The following TMEM130 variants were observed in gnomAD, a reference collection of about 807,000 sequenced individuals.
The protein encoded by TMEM130 is transmembrane protein 130.
A neutral mutation model predicts 42.9 loss-of-function variants in TMEM130; 37 were observed. The ratio of observed to expected loss-of-function variants is 0.86; its 90% CI spans 0.66 to 1.13. The LOEUF (loss-of-function observed/expected upper bound fraction) is 1.13, where lower values mean the gene tolerates loss of function less well. Ranked by LOEUF, TMEM130 falls within the 50% of genes most tolerant of loss-of-function variation. TMEM130 has a pLI of 0.00. For synonymous variants in TMEM130, 259 were observed against 237.7 expected (o/e 1.09, Z -0.82); for missense variants, 545 against 562.6 (o/e 0.97, Z 0.32).
intron 7 of TMEM130, 72 bp from the exon 8 acceptor site, chr7:98,848,280 C>T: frequency 6.3e-7 from 1 of 1,587,608 alleles, no homozygotes; most frequent in Non-Finnish European, 8.6e-7. Flanking sequence ...CAATCACCCA[C>T]CCACCAGGAG....
chr7:98,869,319 G>A lies in TMEM130; in HGVS notation c.85+458C>T. On this transcript the variant is annotated intron_variant, in intron 1 of 7. Transcript: ENST00000339375. The surrounding 1 kb of genome is among the most constrained non-coding windows in gnomAD (Gnocchi z 4.7). The stretch of plus-strand genomic sequence containing the variant: ...TCCCCAAAGCCAGCACCAACACGGT[G>A]GGAAACCCCTCTAGATGAGGCGACA... 1.6e-6 allele frequency: 2 copies of A among 1,277,966 alleles called. No individual in the cohort carries two copies. The highest frequency in any genetic ancestry group is 4.8e-5 in the Admixed American group (2 of 41,402). 79.2% of individuals were successfully genotyped at this position (1,277,966 alleles called of 1,614,324 possible). A position where few individuals can be genotyped will look rare whatever the true frequency, so the allele number is the denominator to read the frequency against.
At position 98,869,143 on chromosome 7, in the gene TMEM130, G is replaced by T. The variant is rs1783784147; in HGVS notation, c.85+634C>A. 1.6e-6 allele frequency: 2 copies of T among 1,249,030 alleles called. No homozygotes were observed. The highest frequency in any genetic ancestry group is 2.1e-6 in the Non-Finnish European group (2 of 969,296). 77.4% of individuals were successfully genotyped at this position (1,249,030 alleles called of 1,614,324 possible). On this transcript the variant is annotated intron_variant, in intron 1 of 7. Transcript: ENST00000339375. This position sits in a 1 kb window ranked among gnomAD's most constrained non-coding sequence, Gnocchi z 4.7. The stretch of plus-strand genomic sequence containing the variant: ...AGGTGGGTGCTGGCTTTCTGGCGGT[G>T]GGGAAGTGGGGGCAGTAGACACACA...
At position 98,854,746 on chromosome 7, in the gene TMEM130, C is replaced by T. The variant is rs2116084622; in HGVS notation, c.803+494G>A. On this transcript the variant is annotated intron_variant, in intron 5 of 7. Transcript: ENST00000339375. ...GGTGAAACTCTGTCTCTAAAAAATG[C>T]AAATAAAGGCCAGACGCAGTGGCTC... Among the ~76,000 whole-genome samples the T allele has an allele frequency of 2.6e-5, 4 of 151,900 alleles. No homozygotes were observed. The South Asian group carries it at 8.3e-4, about 32-fold the overall frequency.
chr7:98,852,341 G>A (rs1554398415), intron 5 of TMEM130, among the ~76,000 whole-genome samples: 1 of 152,044 alleles, frequency 6.6e-6, no homozygotes, highest in Non-Finnish European at 1.5e-5. Context: ...TGTTGGCTAG[G>A]CTGGTCTCAA....
At chr7:98,856,260 A>G (rs961926366) in intron 3 of TMEM130, 77 bp from the exon 4 acceptor site, 131 of 1,452,268 alleles carry the variant, frequency 9.0e-5, no homozygotes, top group Non-Finnish European at 1.2e-4. Flanking sequence ...GAAGTGATTC[A>G]TGGGACTTGC....
chr7:98,855,231 C>T lies in TMEM130; in HGVS notation c.803+9G>A, dbSNP rs1794600004. The T allele has an allele frequency of 6.2e-7, 1 of 1,611,810 alleles. No homozygotes were observed. On this transcript the variant is annotated intron_variant, in intron 5 of 7. Coordinates refer to ENST00000339375, the MANE Select transcript of TMEM130 (RefSeq NM_152913.3). ...GGGGCACCCCCAGTGCGCTCTGGAG[C>T]TCACTTACCTCCCCAGGAAGTTCAA...
intron 1 of TMEM130, among the ~76,000 whole-genome samples, chr7:98,864,907 A>T (rs1303170469): frequency 6.6e-6 from 1 of 152,128 alleles, no homozygotes; most frequent in Non-Finnish European, 1.5e-5. Context: ...TCTCAAAAAC[A>T]AAAGAAAACA....
rs1794418451 is a variant in TMEM130 at position 98,848,604 on chromosome 7, A to T, written c.1098T>A (p.Thr366=). Residue 366 remains threonine (T), a synonymous_variant, in exon 7 of 8, where the codon ACT becomes ACA. Coordinates refer to ENST00000339375, the MANE Select transcript of TMEM130 (RefSeq NM_152913.3). ...CCACCTCCACCATGTCCTTTTGCTG[A>T]GTGGCATTCCGCAGGGTCATGTACA... ...FIMYMTLRNA[T]QQKDMVENPE... 4 of 1,613,088 alleles carry T rather than the reference A, an allele frequency of 2.5e-6. No homozygotes were observed. The highest frequency in any genetic ancestry group is 3.4e-6 in the Non-Finnish European group (4 of 1,179,034).
intron 2 of TMEM130, 59 bp from the exon 3 acceptor site, chr7:98,860,397 G>C (rs1794743908): frequency 1.3e-6 from 2 of 1,500,568 alleles, no homozygotes; most frequent in Admixed American, 2.1e-5. Flanking sequence ...CAGGAAACCA[G>C]GTAGAGACTT....
chr7:98,847,596 C>T lies in TMEM130; in HGVS notation c.*460G>A, dbSNP rs141362410. ...GAGTGTGCCCATCTATGTGTACAAC[C>T]TTTAGTTATGGATTTTTAACCCTTT... On this transcript the variant is annotated 3_prime_UTR_variant, in exon 8 of 8. Coordinates refer to ENST00000339375, the MANE Select transcript of TMEM130 (RefSeq NM_152913.3). 1 of 155,110 alleles carries T rather than the reference C, an allele frequency of 6.4e-6. No individual in the cohort carries two copies. The highest frequency in any genetic ancestry group is 1.4e-5 in the Non-Finnish European group (1 of 70,190). The allele number at this position is 155,110 out of a possible 1,614,324, so 9.6% of individuals were successfully genotyped here.
rs1035232646 is a variant in TMEM130 at position 98,860,034 on chromosome 7, A to C, written c.551+145T>G. On this transcript the variant is annotated intron_variant, in intron 3 of 7. Coordinates refer to ENST00000339375, the MANE Select transcript of TMEM130 (RefSeq NM_152913.3). ...CAGTGAGCCAAGATGGTACTACTGCACTCCAGCCTGGATGACAGAACAAGA... is the reference window on the plus strand; with the variant it reads ...CAGTGAGCCAAGATGGTACTACTGCCCTCCAGCCTGGATGACAGAACAAGA... 8.0e-6 allele frequency: 5 copies of C among 623,088 alleles called. No individual in the cohort carries two copies. In the African/African-American group the frequency reaches 9.6e-5, roughly 12 times the overall value. The allele number at this position is 623,088 out of a possible 1,614,324, so 38.6% of individuals were successfully genotyped here. A position where few individuals can be genotyped will look rare whatever the true frequency, so the allele number is the denominator to read the frequency against.
chr7:98,855,870 G>C (rs1794618882), intron 4 of TMEM130, 147 bp downstream of exon 4: 1 of 983,998 alleles, frequency 1.0e-6, no homozygotes, highest in Non-Finnish European at 1.5e-6. Flanking sequence ...CGCTCTGTCT[G>C]AAGCAGGGTT....
At chr7:98,862,188 A>G (rs1794785466) in intron 2 of TMEM130, among the ~76,000 whole-genome samples, 2 of 152,156 alleles carry the variant, frequency 1.3e-5, no homozygotes. Context: ...ATTAGACTGG[A>G]AAGTCTAAAG....
chr7:98,852,590 GTTTTTGTTTTT>G (rs1162599724), intron 5 of TMEM130, among the ~76,000 whole-genome samples: 25 of 151,316 alleles, frequency 1.7e-4, no homozygotes, highest in African/African-American at 6.1e-4. Flanking sequence ...TGTTTGTTTT[GTTTTTGTTTTT>G]GTGGGGTTTT....
chr7:98,848,031 G>T lies in TMEM130; in HGVS notation c.*25C>A. On this transcript the variant is annotated 3_prime_UTR_variant, in exon 8 of 8. Coordinates refer to ENST00000339375, the MANE Select transcript of TMEM130 (RefSeq NM_152913.3). ...TCCAAGTCAGCAGTCAGTTAACACTGAGATGGGGTGGGGAGGGGGAGTGCT... is the reference window on the plus strand; with the variant it reads ...TCCAAGTCAGCAGTCAGTTAACACTTAGATGGGGTGGGGAGGGGGAGTGCT... The T allele has an allele frequency of 1.9e-6, 3 of 1,603,516 alleles. No individual in the cohort carries two copies. The highest frequency in any genetic ancestry group is 2.6e-6 in the Non-Finnish European group (3 of 1,173,800).
chr7:98,853,654 T>G (rs982265476), intron 5 of TMEM130, among the ~76,000 whole-genome samples: 2 of 152,140 alleles, frequency 1.3e-5, no homozygotes, highest in African/African-American at 2.4e-5. Flanking sequence ...CTTTAACGCC[T>G]GGGCCCTGAC....
Position 98,869,097 on chromosome 7 carries a change from G to A in TMEM130, c.85+680C>T, listed in dbSNP as rs1324181367. 7 of 1,091,996 alleles carry A rather than the reference G, an allele frequency of 6.4e-6. No individual in the cohort carries two copies. Among genetic ancestry groups the A allele is most frequent in the Non-Finnish European group, 7.1e-6 (6 of 844,634 alleles). The allele number at this position is 1,091,996 out of a possible 1,614,324, so 67.6% of individuals were successfully genotyped here. ...TAGTCTTAAATCTGGGTCCTTTTAT[G>A]GTTCCCAAAATGTGGCAGAGAGGTG... is the stretch of plus-strand genomic sequence containing the variant. On this transcript the variant is annotated intron_variant, in intron 1 of 7. Transcript: ENST00000339375. The surrounding 1 kb of genome is among the most constrained non-coding windows in gnomAD (Gnocchi z 4.7).
rs1178398374 is a variant in TMEM130 at position 98,855,354 on chromosome 7, T to C, written c.719-30A>G. On this transcript the variant is annotated intron_variant, in intron 4 of 7. Transcript: ENST00000339375. ...AAGGCAGAGAGAACCCCGTTAGACC[T>C]GGTGGCTAAGGATTGCTGTCGAGGC... 6 of 1,592,434 alleles carry C rather than the reference T, an allele frequency of 3.8e-6. No homozygotes were observed. In the Admixed American group the frequency reaches 1.0e-4, roughly 28 times the overall value.
intron 3 of TMEM130, among the ~76,000 whole-genome samples, chr7:98,857,707 G>GAAACAT (rs1794666605): frequency 7.2e-6 from 1 of 139,092 alleles, no homozygotes; most frequent in Admixed American, 7.2e-5. Context: ...CTCAAAAACA[G>GAAACAT]AAACAAAAAC....
Sources: gnomAD v4.1 joint callset for allele counts (sites outside exome capture counted in the v4.1 genomes callset) on GRCh38, gnomAD v4.1.1 for gene constraint, Gnocchi (gnomAD v3.1) non-coding constraint, MANE v1.5 for transcripts, NCBI Gene and HGNC (gene_info 2026-07-23, HGNC 2026-07-21) for gene names.